The following ELFN1 variants were observed in gnomAD, a reference collection of about 807,000 sequenced individuals.
ELFN1 encodes protein ELFN1.
Under a neutral mutation model 7.6 loss-of-function variants are expected in ELFN1, and 6 were observed. The observed-to-expected ratio is 0.79, with a 90% CI of 0.43 to 1.56. ELFN1 has a LOEUF of 1.56. ELFN1 is among the 40% of genes most tolerant of loss of function. ELFN1 has a pLI of 0.01. For synonymous variants in ELFN1, 657 were observed against 588.1 expected (o/e 1.12, Z -1.70); for missense variants, 1,169 against 1,232.2 (o/e 0.95, Z 0.77).
chr7:1,722,985 A>G (rs1018550593), intron 3 of ELFN1, among the ~76,000 whole-genome samples: 3 of 152,158 alleles, frequency 2.0e-5, no homozygotes, highest in Admixed American at 2.0e-4. Context: ...ACATGAGGTC[A>G]GGAGTTCAAA....
At chr7:1,699,275 A>G (rs1562365131) in intron 2 of ELFN1, among the ~76,000 whole-genome samples, 1 of 152,098 alleles carries the variant, frequency 6.6e-6, no homozygotes, top group Non-Finnish European at 1.5e-5. Flanking sequence ...TTTTGTAGAG[A>G]CATGTTGATA....
At position 1,731,046 on chromosome 7, in the gene ELFN1, G is replaced by A. The variant is rs959826396; in HGVS notation, c.-293-13258G>A. Reference sequence around the variant, plus strand: ...AGTCGAGACACATAATTAAATAAACGGTCCCCACTTACAACGGCACCAATA... The same window carrying A: ...AGTCGAGACACATAATTAAATAAACAGTCCCCACTTACAACGGCACCAATA... On this transcript the variant is annotated intron_variant, in intron 3 of 3. Transcript: ENST00000424383. Among the ~76,000 whole-genome samples the A allele has an allele frequency of 3.9e-5, 6 of 151,978 alleles. No homozygotes were observed. In the South Asian group the frequency reaches 6.2e-4, roughly 16 times the overall value.
chr7:1,690,473 T>A (rs1386709663), intron 2 of ELFN1, among the ~76,000 whole-genome samples: 1 of 149,724 alleles, frequency 6.7e-6, no homozygotes, highest in Admixed American at 6.6e-5. Flanking sequence ...GATAGGTAGA[T>A]GGTTGAGTGG....
chr7:1,726,841 C>A (rs1043536066), intron 3 of ELFN1, among the ~76,000 whole-genome samples: 3 of 152,222 alleles, frequency 2.0e-5, no homozygotes, highest in Non-Finnish European at 2.9e-5. Context: ...CGCCCCTGCA[C>A]GTCCCGATTC....
At chr7:1,677,948 G>T (rs1286829298) in intron 1 of ELFN1, among the ~76,000 whole-genome samples, 1 of 152,070 alleles carries the variant, frequency 6.6e-6, no homozygotes, top group African/African-American at 2.4e-5. Flanking sequence ...TTTGCTGTCT[G>T]ACAGACATCC....
At chr7:1,667,097 C>A (rs570518955), upstream of ELFN1, among the ~76,000 whole-genome samples, 50 of 152,118 alleles carry the variant, frequency 3.3e-4, no homozygotes, top group Non-Finnish European at 6.6e-4. The surrounding 1 kb of genome is among the most constrained non-coding windows in gnomAD (Gnocchi z 8.2). Flanking sequence ...TGCTTTCCTC[C>A]CATTTTCCCT....
chr7:1,695,818 C>G lies in ELFN1; in HGVS notation c.-456+7668C>G, dbSNP rs1779295067. Among the ~76,000 whole-genome samples the G allele has an allele frequency of 1.4e-5, 2 of 144,002 alleles. No homozygotes were observed. The highest frequency in any genetic ancestry group is 7.0e-5 in the Admixed American group (1 of 14,382). The allele number at this position is 144,002 out of a possible 152,430, so 94.5% of individuals were successfully genotyped here. A position where few individuals can be genotyped will look rare whatever the true frequency, so the allele number is the denominator to read the frequency against. On this transcript the variant is annotated intron_variant, in intron 2 of 3. Coordinates refer to ENST00000424383, the MANE Select transcript of ELFN1 (RefSeq NM_001128636.4). The surrounding 1 kb of genome is among the most constrained non-coding windows in gnomAD (Gnocchi z 5.1). The stretch of plus-strand genomic sequence containing the variant: ...TGACTCCCATTCATTTATTCACAAA[C>G]ATTTACTCAGCAAATCTTGTTGGGC...
rs576146363 is a variant in ELFN1, at chr7:1,715,293, T to G, written c.-294+6041T>G. The stretch of plus-strand genomic sequence containing the variant: ...TATTCACAAGGCTGCATGCTGGCAT[T>G]TGTGAGATGAGCCACGGCCCACTGT... On this transcript the variant is annotated intron_variant, in intron 3 of 3. Transcript: ENST00000424383. 2.0e-5 allele frequency among the ~76,000 whole-genome samples: 3 copies of G among 152,264 alleles called. No individual in the cohort carries two copies. In the South Asian group the frequency reaches 6.2e-4, roughly 32 times the overall value.
At chr7:1,741,336 G>C (rs146113897) in intron 3 of ELFN1, among the ~76,000 whole-genome samples, 36 of 152,162 alleles carry the variant, frequency 2.4e-4, no homozygotes, top group Admixed American at 2.0e-3. Flanking sequence ...GGCTGGGGGT[G>C]GGGGGAGGAC....
chr7:1,674,431 C>T (rs1226902310), intron 1 of ELFN1, among the ~76,000 whole-genome samples: 1 of 152,162 alleles, frequency 6.6e-6, no homozygotes, highest in Non-Finnish European at 1.5e-5. Flanking sequence ...GGCTTCCAGG[C>T]TCCCCTCGCC....
intron 1 of ELFN1, among the ~76,000 whole-genome samples, chr7:1,671,082 C>T (rs892673088): frequency 1.3e-5 from 2 of 152,000 alleles, no homozygotes; most frequent in African/African-American, 4.8e-5. Flanking sequence ...TAAAGACAAG[C>T]GCCCCCATTT....
intron 3 of ELFN1, among the ~76,000 whole-genome samples, chr7:1,713,831 C>T (rs76230336): frequency 0.046 from 6,943 of 152,210 alleles, 243 homozygotes; most frequent in East Asian, 0.15. Context: ...AAGGCCACCT[C>T]GCCAATCCCC....
chr7:1,707,984 C>T (rs576411038), intron 2 of ELFN1, among the ~76,000 whole-genome samples: 9 of 152,260 alleles, frequency 5.9e-5, no homozygotes, highest in Middle Eastern at 3.4e-3. Context: ...CCTCCAGGGG[C>T]GCGGATGCGG....
intron 2 of ELFN1, chr7:1,694,201 A>G (rs1162547019): frequency 4.9e-6 from 1 of 203,666 alleles, no homozygotes; most frequent in Non-Finnish European, 1.0e-5. Flanking sequence ...GGAGGCAGGG[A>G]GCCCCCAGGT....
At chr7:1,690,201 GTGAA>G (rs1420381271) in intron 2 of ELFN1, among the ~76,000 whole-genome samples, 2 of 151,738 alleles carry the variant, frequency 1.3e-5, no homozygotes, top group African/African-American at 4.8e-5. Context: ...GGATGAATAA[GTGAA>G]TGGATGGATA....
intron 1 of ELFN1, among the ~76,000 whole-genome samples, chr7:1,681,706 C>T (rs1778978242): frequency 6.6e-6 from 1 of 152,234 alleles, no homozygotes. Context: ...GACCATGTTA[C>T]ATTCCCACCA....
chr7:1,746,143 A>T lies in ELFN1; in HGVS notation c.1547A>T (p.Asp516Val). ...VEQYKLVESADTPKASKGSYM... is the reference protein window; with the variant it reads ...VEQYKLVESAVTPKASKGSYM... ...CAGTACAAGCTGGTGGAGAGCGCGG[A>T]CACCCCCAAGGCCAGCAAGGGCAGC... is the stretch of plus-strand genomic sequence containing the variant. The change falls in exon 4 of 4, where the codon GAC becomes GTC. Residue 516 changes from aspartate to valine, a missense_variant. Coordinates refer to ENST00000424383, the MANE Select transcript of ELFN1 (RefSeq NM_001128636.4). 2 of 1,548,490 alleles carry T rather than the reference A, an allele frequency of 1.3e-6. No individual in the cohort carries two copies. Among genetic ancestry groups the T allele is most frequent in the Non-Finnish European group, 1.7e-6 (2 of 1,145,840 alleles).
rs565897643 is a variant in ELFN1 at position 1,705,798 on chromosome 7, G to A, written c.-455-3293G>A. On this transcript the variant is annotated intron_variant, in intron 2 of 3. Coordinates refer to ENST00000424383, the MANE Select transcript of ELFN1 (RefSeq NM_001128636.4). This position sits in a 1 kb window ranked among gnomAD's most constrained non-coding sequence, Gnocchi z 4.3. ...TCTTAGTGTCCCGGGATGGTCCTCG[G>A]GGAGGTCTGATGAGCCCCCGAATAT... Among the ~76,000 whole-genome samples, 1 of 152,298 alleles carries A rather than the reference G, an allele frequency of 6.6e-6. No homozygotes were observed. The highest frequency in any genetic ancestry group is 1.5e-5 in the Non-Finnish European group (1 of 68,022).
chr7:1,707,591 G>C (rs1323902272), intron 2 of ELFN1, among the ~76,000 whole-genome samples: 2 of 152,228 alleles, frequency 1.3e-5, no homozygotes, highest in African/African-American at 4.8e-5. Flanking sequence ...CAAAGGCCTG[G>C]GGCAGAGCGG....
Sources: allele counts gnomAD v4.1 joint callset (sites outside exome capture counted in the v4.1 genomes callset), GRCh38; gene constraint gnomAD v4.1.1; non-coding constraint Gnocchi (gnomAD v3.1); transcripts MANE v1.5; gene names NCBI Gene and HGNC (gene_info 2026-07-23, HGNC 2026-07-21).